PBX3: variants seen among roughly 807,000 people sequenced by gnomAD.
PBX3 encodes the protein pre-B-cell leukemia transcription factor 3.
A neutral mutation model predicts 48.5 loss-of-function variants in PBX3; 14 were observed. The ratio of observed to expected loss-of-function variants is 0.29; its 90% CI spans 0.19 to 0.45. The LOEUF (loss-of-function observed/expected upper bound fraction) is 0.45, where lower values mean the gene tolerates loss of function less well. PBX3 is among the 20% of genes least tolerant of loss of function. The pLI is 1.00. For missense variants in PBX3, 386 were observed against 546.7 expected, an observed-to-expected ratio of 0.71 and a Z score of 2.93; for synonymous variants, 210 against 200.3, an observed-to-expected ratio of 1.05 and a Z score of -0.41.
At chr9:125,763,825 A>G (rs1193017257) in intron 2 of PBX3, among the ~76,000 whole-genome samples, 1 of 152,222 alleles carries the variant, frequency 6.6e-6, no homozygotes, top group Non-Finnish European at 1.5e-5. Flanking sequence ...CAGAGGTCAC[A>G]CAGAGTACAT....
chr9:125,800,152 G>A (rs1837897405), intron 2 of PBX3, among the ~76,000 whole-genome samples: 1 of 152,124 alleles, frequency 6.6e-6, no homozygotes, highest in African/African-American at 2.4e-5. Flanking sequence ...GGACTCAGTG[G>A]TGCTTACTGA....
intron 4 of PBX3, among the ~76,000 whole-genome samples, chr9:125,933,683 G>A (rs1841770748): frequency 6.6e-6 from 1 of 152,086 alleles, no homozygotes; most frequent in African/African-American, 2.4e-5. Flanking sequence ...ATCTAAGGGG[G>A]CAGCTATCAC....
Position 125,915,935 on chromosome 9 carries a change from G to A in PBX3, c.516+8G>A. 2.5e-6 allele frequency: 4 copies of A among 1,611,150 alleles called. No individual in the cohort carries two copies. Among genetic ancestry groups the A allele is most frequent in the South Asian group, 1.1e-5 (1 of 90,908 alleles). On this transcript the variant is annotated splice_region_variant and intron_variant, in intron 3 of 8. Transcript: ENST00000373489. ...CTGGAGAAATATGAACAGGTCAGCAGCCGCCACTCTCATAGTCCTACACAA... is the reference window on the plus strand; with the variant it reads ...CTGGAGAAATATGAACAGGTCAGCAACCGCCACTCTCATAGTCCTACACAA...
In PBX3 at chr9:125,948,301, T is replaced by C. The variant is rs190801745; in HGVS notation, c.844-12383T>C. 2.6e-3 allele frequency among the ~76,000 whole-genome samples: 398 copies of C among 152,368 alleles called. 2 individuals are homozygous for C. Among genetic ancestry groups the C allele is most frequent in the Admixed American group, 5.6e-3 (86 of 15,300 alleles). On this transcript the variant is annotated intron_variant, in intron 5 of 8. Transcript: ENST00000373489. ...AACTGCAGAATACACATTCTAATTT[T>C]AAGCACTTATAGAACAATTTGAAAG... is the stretch of plus-strand genomic sequence containing the variant.
At chr9:125,787,353 C>T (rs955704452) in intron 2 of PBX3, among the ~76,000 whole-genome samples, 6 of 151,858 alleles carry the variant, frequency 4.0e-5, no homozygotes, top group African/African-American at 1.2e-4. Flanking sequence ...ATAATCTCTT[C>T]AGTAAGTTGG....
At chr9:125,842,787 G>A (rs1435988207) in intron 2 of PBX3, among the ~76,000 whole-genome samples, 1 of 152,028 alleles carries the variant, frequency 6.6e-6, no homozygotes. Context: ...TTTTGGTTGT[G>A]TTGTTTTTGT....
At chr9:125,793,360 A>ATTGCAGATCATATT (rs1837669487) in intron 2 of PBX3, among the ~76,000 whole-genome samples, 1 of 73,848 alleles carries the variant, frequency 1.4e-5, no homozygotes, top group Non-Finnish European at 2.7e-5. Flanking sequence ...TGGGGGGGAA[A>ATTGCAGATCATATT]AAAAAAATAT....
chr9:125,941,372 A>G (rs1024539007), intron 5 of PBX3, among the ~76,000 whole-genome samples: 4 of 152,230 alleles, frequency 2.6e-5, no homozygotes, highest in African/African-American at 9.6e-5. Context: ...TTTCACTGTG[A>G]GATGGGGAAC....
intron 2 of PBX3, among the ~76,000 whole-genome samples, chr9:125,796,761 G>A (rs1165530860): frequency 1.3e-5 from 2 of 152,022 alleles, no homozygotes; most frequent in African/African-American, 4.8e-5. Context: ...CTTTTTAAAA[G>A]CAGTTGTATA....
chr9:125,782,373 A>G (rs1837344596), intron 2 of PBX3, among the ~76,000 whole-genome samples: 1 of 152,194 alleles, frequency 6.6e-6, no homozygotes, highest in South Asian at 2.1e-4. Context: ...TGGGAATTCA[A>G]GATGAGATTT....
At chr9:125,860,108 T>C (rs192975193) in intron 2 of PBX3, among the ~76,000 whole-genome samples, 110 of 152,360 alleles carry the variant, frequency 7.2e-4, no homozygotes, top group Admixed American at 2.6e-3. Flanking sequence ...CCATATTCAT[T>C]GTGGATCTGT....
At chr9:125,793,382 T>TATATAC (rs1188788489) in intron 2 of PBX3, among the ~76,000 whole-genome samples, 8 of 143,250 alleles carry the variant, frequency 5.6e-5, no homozygotes, top group African/African-American at 2.1e-4. Context: ...TATATATATA[T>TATATAC]ATATATATAT....
chr9:125,907,481 T>C (rs941135679), intron 2 of PBX3, among the ~76,000 whole-genome samples: 4 of 152,128 alleles, frequency 2.6e-5, no homozygotes, highest in African/African-American at 9.6e-5. Context: ...TTAATTCATA[T>C]GATTTAAAGT....
At chr9:125,812,011 A>G (rs1838304306) in intron 2 of PBX3, among the ~76,000 whole-genome samples, 7 of 152,216 alleles carry the variant, frequency 4.6e-5, no homozygotes, top group Admixed American at 2.0e-4. Flanking sequence ...AATAGGCCCA[A>G]GGGAACTTAT....
intron 4 of PBX3, among the ~76,000 whole-genome samples, chr9:125,931,937 G>T (rs556779162): frequency 1.3e-5 from 2 of 152,114 alleles, no homozygotes; most frequent in African/African-American, 4.8e-5. Flanking sequence ...ATTTCCTAAG[G>T]ATCAATTCTT....
At chr9:125,816,834 A>G (rs1280298508) in intron 2 of PBX3, among the ~76,000 whole-genome samples, 4 of 152,144 alleles carry the variant, frequency 2.6e-5, no homozygotes, top group Non-Finnish European at 5.9e-5. Context: ...ACCTTCTTTA[A>G]CATAGAATCC....
intron 5 of PBX3, among the ~76,000 whole-genome samples, chr9:125,941,292 A>G (rs73668731): frequency 0.048 from 7,373 of 152,224 alleles, 606 homozygotes; most frequent in African/African-American, 0.17. Flanking sequence ...GTAGTAGGAG[A>G]TGAAGTTAAA....
chr9:125,954,519 G>A, intron 5 of PBX3, among the ~76,000 whole-genome samples: 1 of 152,112 alleles, frequency 6.6e-6, no homozygotes, highest in East Asian at 1.9e-4. Context: ...TTTTAGACTT[G>A]AAGAGCAAGT....
intron 2 of PBX3, chr9:125,797,542 AAG>A (rs1292306073): frequency 1.3e-5 from 2 of 152,162 alleles, no homozygotes; most frequent in African/African-American, 4.8e-5. Flanking sequence ...CTTTTCATAT[AAG>A]ATAAATTTTA....
Sources: allele counts gnomAD v4.1 joint callset (sites outside exome capture counted in the v4.1 genomes callset), GRCh38; gene constraint gnomAD v4.1.1; transcripts MANE v1.5; gene names NCBI Gene and HGNC (gene_info 2026-07-23, HGNC 2026-07-21).